The following SNX7 variants were observed in gnomAD, a reference collection of about 807,000 sequenced individuals.
SNX7 encodes the protein sorting nexin-7.
Under a neutral mutation model 48.4 loss-of-function variants are expected in SNX7, and 35 were observed. The ratio of observed to expected loss-of-function variants is 0.72; its 90% confidence interval spans 0.55 to 0.96. The LOEUF is 0.96. SNX7 is among the 40% of genes least tolerant of loss of function. The probability of loss-of-function intolerance (pLI) is 0.00; values close to 1 mark genes in which losing one functional copy is unlikely to be tolerated. For missense variants in SNX7, 553 were observed against 548.9 expected, an observed-to-expected ratio of 1.01 and a Z score of -0.07; for synonymous variants, 190 against 190.2, an observed-to-expected ratio of 1.00 and a Z score of 0.01.
At chr1:98,666,623 G>A (rs1379972317) in intron 1 of SNX7, among the ~76,000 whole-genome samples, 1 of 152,160 alleles carries the variant, frequency 6.6e-6, no homozygotes, top group Non-Finnish European at 1.5e-5. Flanking sequence ...GACTGTGTCA[G>A]TATCTCTCAT....
At chr1:98,686,369 G>T (rs554031549) in intron 2 of SNX7, among the ~76,000 whole-genome samples, 55 of 152,138 alleles carry the variant, frequency 3.6e-4, no homozygotes, top group South Asian at 8.3e-4. Flanking sequence ...CTTCTGTAGG[G>T]TTGCAGTAGA....
intron 8 of SNX7, among the ~76,000 whole-genome samples, chr1:98,758,493 C>G (rs1654962660): frequency 6.6e-6 from 1 of 151,970 alleles, no homozygotes; most frequent in African/African-American, 2.4e-5. Context: ...TAGTAACTTA[C>G]TGGAGGATAA....
Position 98,684,892 on chromosome 1 carries a change from C to T in SNX7, c.188C>T (p.Ser63Leu), listed in dbSNP as rs201226939. ...GAATGTTTTATTTCTTAGGATGCCTCATTGATGGACATGAACTCCTTCAGC... is the reference window on the plus strand; with the variant it reads ...GAATGTTTTATTTCTTAGGATGCCTTATTGATGGACATGAACTCCTTCAGC... ...DDLEVFSKDA[S>L]LMDMNSFSPM... is the part of the protein sequence containing the mutation. The change falls in exon 2 of 9, where the codon TCA (serine) becomes TTA (leucine). Residue 63 changes from serine (S) to leucine (L), a missense_variant. Transcript: ENST00000306121. 2 of 1,489,766 alleles carry T rather than the reference C, an allele frequency of 1.3e-6. No individual in the cohort carries two copies. Among genetic ancestry groups the T allele is most frequent in the East Asian group, 2.3e-5 (1 of 42,690 alleles). The allele number at this position is 1,489,766 out of a possible 1,614,324, so 92.3% of individuals were successfully genotyped here. A position where few individuals can be genotyped will look rare whatever the true frequency, so the allele number is the denominator to read the frequency against.
intron 1 of SNX7, among the ~76,000 whole-genome samples, chr1:98,676,913 T>G (rs1380700325): frequency 6.6e-6 from 1 of 152,176 alleles, no homozygotes; most frequent in Admixed American, 6.5e-5. Context: ...TTGGCCTCCT[T>G]TATGATTTTT....
intron 4 of SNX7, 115 bp from the exon 5 acceptor site, chr1:98,695,403 A>T (rs1046167712): frequency 2.7e-5 from 25 of 911,760 alleles, no homozygotes; most frequent in Non-Finnish European, 4.0e-5. Flanking sequence ...AAAAAGATTG[A>T]TGCCTATGAA....
At chr1:98,687,538 C>A (rs1354126060) in intron 2 of SNX7, among the ~76,000 whole-genome samples, 2 of 151,924 alleles carry the variant, frequency 1.3e-5, no homozygotes, top group Non-Finnish European at 2.9e-5. Flanking sequence ...TTGAGTACCC[C>A]GTTTGTCCCA....
Position 98,701,892 on chromosome 1 carries a change from G to C in SNX7, c.1114G>C (p.Asp372His). The C allele has an allele frequency of 6.2e-7, 1 of 1,606,644 alleles. No homozygotes were observed. The highest frequency in any genetic ancestry group is 8.5e-7 in the Non-Finnish European group (1 of 1,176,558). The change falls in exon 7 of 9, where the codon GAT becomes CAT. Residue 372 changes from aspartate to histidine, a missense_variant. By Grantham distance (81) the Asp-to-His change is moderately conservative. Coordinates refer to ENST00000306121, the MANE Select transcript of SNX7 (RefSeq NM_015976.5). Reference protein sequence around the residue: ...KVEVLTYKKADTDLLPEEIGK... With the variant: ...KVEVLTYKKAHTDLLPEEIGK... ...TGAAGTTTTGACCTATAAAAAGGCA[G>C]ATACTGATCTGGTAAGTTTTTAAGT...
intron 7 of SNX7, among the ~76,000 whole-genome samples, chr1:98,716,858 C>T (rs1240392200): frequency 6.7e-6 from 1 of 148,484 alleles, no homozygotes; most frequent in Non-Finnish European, 1.5e-5. Context: ...AAAAAATATA[C>T]TTAGATTTCA....
At chr1:98,753,330 C>G (rs1654680117) in intron 8 of SNX7, among the ~76,000 whole-genome samples, 1 of 152,088 alleles carries the variant, frequency 6.6e-6, no homozygotes, top group South Asian at 2.1e-4. Context: ...CCATGTTTTA[C>G]TGTCCCTTTT....
At chr1:98,749,526 G>A (rs1355977859) in intron 8 of SNX7, among the ~76,000 whole-genome samples, 3 of 151,966 alleles carry the variant, frequency 2.0e-5, no homozygotes, top group Non-Finnish European at 4.4e-5. Context: ...ATTATAAGTT[G>A]GCAGATGATT....
intron 7 of SNX7, among the ~76,000 whole-genome samples, chr1:98,728,773 G>A (rs188926581): frequency 8.5e-5 from 13 of 152,066 alleles, no homozygotes; most frequent in Admixed American, 7.9e-4. Context: ...CACCAAATAC[G>A]GGAGCATCCA....
chr1:98,728,694 G>A (rs1012501679), intron 7 of SNX7, among the ~76,000 whole-genome samples: 1 of 152,020 alleles, frequency 6.6e-6, no homozygotes, highest in South Asian at 2.1e-4. Flanking sequence ...GATCAAAAAA[G>A]ACAAGGGTAT....
chr1:98,720,076 A>C (rs56363327), intron 7 of SNX7, among the ~76,000 whole-genome samples: 1 of 151,588 alleles, frequency 6.6e-6, no homozygotes, highest in Non-Finnish European at 1.5e-5. Context: ...AAGACTTTCT[A>C]TATGTTCTCT....
intron 8 of SNX7, among the ~76,000 whole-genome samples, chr1:98,745,422 C>T (rs1654264260): frequency 6.6e-6 from 1 of 151,874 alleles, no homozygotes; most frequent in African/African-American, 2.4e-5. Context: ...ACAGTCATGC[C>T]TCCTAATAGT....
chr1:98,715,108 T>A lies in SNX7; in HGVS notation c.1125+13205T>A, dbSNP rs183685865. Among the ~76,000 whole-genome samples the A allele has an allele frequency of 4.0e-3, 614 of 152,264 alleles. 4 individuals are homozygous for A. The highest frequency in any genetic ancestry group is 5.1e-3 in the Non-Finnish European group (349 of 68,020). On this transcript the variant is annotated intron_variant, in intron 7 of 8. Transcript: ENST00000306121. ...TTATTGATATATTTATATTATCAAATGCTCAGACCCATTCAAGTTTCACCA... is the reference window on the plus strand; with the variant it reads ...TTATTGATATATTTATATTATCAAAAGCTCAGACCCATTCAAGTTTCACCA...
At chr1:98,675,471 G>A (rs1650111824) in intron 1 of SNX7, among the ~76,000 whole-genome samples, 1 of 152,046 alleles carries the variant, frequency 6.6e-6, no homozygotes, top group African/African-American at 2.4e-5. Flanking sequence ...ACACCACACT[G>A]TACTCATTGG....
intron 7 of SNX7, among the ~76,000 whole-genome samples, chr1:98,730,635 A>G (rs975504832): frequency 1.3e-5 from 2 of 152,028 alleles, no homozygotes; most frequent in Non-Finnish European, 2.9e-5. Context: ...ACAAATCATG[A>G]ATGAATTCCC....
intron 1 of SNX7, among the ~76,000 whole-genome samples, chr1:98,682,066 GTTTTC>G (rs113218596): frequency 0.066 from 9,911 of 150,718 alleles, 1,025 homozygotes; most frequent in African/African-American, 0.21. Flanking sequence ...GTCATTATCA[GTTTTC>G]TTTTCTTCCT....
chr1:98,720,224 T>C (rs1044766973), intron 7 of SNX7, among the ~76,000 whole-genome samples: 5 of 151,924 alleles, frequency 3.3e-5, no homozygotes, highest in South Asian at 4.1e-4. Context: ...AAGTAAACTA[T>C]AAAATATTTA....
Sources: allele counts gnomAD v4.1 joint callset (sites outside exome capture counted in the v4.1 genomes callset), GRCh38; gene constraint gnomAD v4.1.1; transcripts MANE v1.5; gene names NCBI Gene and HGNC (gene_info 2026-07-23, HGNC 2026-07-21).